Variants in FOXP1 observed in about 807,000 individuals in gnomAD.
FOXP1 encodes the protein forkhead box protein P1.
FOXP1 carries 15 observed loss-of-function variants against 98.2 expected under a neutral mutation model. The ratio of observed to expected loss-of-function variants is 0.15; its 90% CI spans 0.10 to 0.24. The LOEUF is 0.24. FOXP1 is among the 10% of genes least tolerant of loss of function. The pLI, the probability that FOXP1 is intolerant of heterozygous loss-of-function variation, is 1.00. For missense variants in FOXP1, 633 were observed against 848.5 expected, an observed-to-expected ratio of 0.75 and a Z score of 3.15; for synonymous variants, 371 against 314.5, an observed-to-expected ratio of 1.18 and a Z score of -1.90.
chr3:71,187,036 C>A (rs1396831425), intron 6 of FOXP1, among the ~76,000 whole-genome samples: 1 of 152,258 alleles, frequency 6.6e-6, no homozygotes, highest in Non-Finnish European at 1.5e-5. Context: ...CTTTTATTTA[C>A]TAGGTGGCAG....
At chr3:71,482,380 T>TG (rs1253943997) in intron 3 of FOXP1, among the ~76,000 whole-genome samples, 1 of 149,560 alleles carries the variant, frequency 6.7e-6, no homozygotes, top group Non-Finnish European at 1.5e-5. Flanking sequence ...TTTTTTTTTT[T>TG]TTTTTTGAGA....
At chr3:71,426,874 A>G (rs1429415337) in intron 3 of FOXP1, among the ~76,000 whole-genome samples, 2 of 152,118 alleles carry the variant, frequency 1.3e-5, no homozygotes, top group Non-Finnish European at 2.9e-5. Context: ...CAGCCTGACC[A>G]ACATGGTGAA....
intron 2 of FOXP1, among the ~76,000 whole-genome samples, chr3:71,549,756 T>C (rs1003136267): frequency 6.6e-6 from 1 of 151,368 alleles, no homozygotes; most frequent in African/African-American, 2.4e-5. Flanking sequence ...ACTGTCTCAA[T>C]TTCAACTGTA....
At chr3:71,064,525 T>TA (rs1236431848) in intron 7 of FOXP1, among the ~76,000 whole-genome samples, 4 of 149,178 alleles carry the variant, frequency 2.7e-5, no homozygotes, top group Non-Finnish European at 6.0e-5. Context: ...CATGAACATT[T>TA]AAAAAAAGAG....
chr3:71,297,151 G>A (rs1168230380), intron 5 of FOXP1, among the ~76,000 whole-genome samples: 2 of 152,146 alleles, frequency 1.3e-5, no homozygotes, highest in African/African-American at 4.8e-5. Flanking sequence ...TATAGAGACT[G>A]AGCATATAAA....
chr3:71,396,968 G>GACACA (rs1560424451), intron 3 of FOXP1, among the ~76,000 whole-genome samples: 337 of 19,866 alleles, frequency 0.017, 13 homozygotes, highest in Non-Finnish European at 0.03. Flanking sequence ...ATATATGTGT[G>GACACA]TATATATATA....
intron 7 of FOXP1, among the ~76,000 whole-genome samples, chr3:71,103,953 C>T (rs1575705050): frequency 6.6e-6 from 1 of 151,630 alleles, no homozygotes; most frequent in South Asian, 2.1e-4. Context: ...TAAGATGTTC[C>T]CCCCCCAAAA....
At chr3:71,137,696 C>T (rs1310041955) in intron 6 of FOXP1, among the ~76,000 whole-genome samples, 1 of 152,142 alleles carries the variant, frequency 6.6e-6, no homozygotes, top group African/African-American at 2.4e-5. Context: ...TGTTTGTCAA[C>T]AATTCGCCCA....
intron 4 of FOXP1, among the ~76,000 whole-genome samples, chr3:71,303,301 G>C (rs2074003794): frequency 6.6e-6 from 1 of 152,124 alleles, no homozygotes; most frequent in Non-Finnish European, 1.5e-5. Context: ...AGAACCTATT[G>C]TGTACCAGTC....
At chr3:71,384,441 G>A (rs1034027310) in intron 3 of FOXP1, among the ~76,000 whole-genome samples, 4 of 152,128 alleles carry the variant, frequency 2.6e-5, no homozygotes, top group African/African-American at 9.7e-5. Context: ...AATCCACCAC[G>A]AAAACAAAGC....
chr3:71,281,156 G>A (rs1315759394), intron 5 of FOXP1, among the ~76,000 whole-genome samples: 3 of 151,636 alleles, frequency 2.0e-5, no homozygotes, highest in Non-Finnish European at 2.9e-5. Context: ...CTGAGCCCAG[G>A]GAGTTCAAGG....
intron 6 of FOXP1, among the ~76,000 whole-genome samples, chr3:71,193,447 C>T (rs1453409441): frequency 2.0e-5 from 2 of 100,822 alleles, no homozygotes; most frequent in Admixed American, 1.0e-4. Context: ...TGCGCCCAGC[C>T]GTTATTTGTT....
chr3:71,136,819 C>CG (rs1553755066), intron 6 of FOXP1, among the ~76,000 whole-genome samples: 1 of 149,102 alleles, frequency 6.7e-6, no homozygotes, highest in Non-Finnish European at 1.5e-5. Flanking sequence ...AGAAATACAA[C>CG]AAAAAAAAAA....
intron 1 of FOXP1, among the ~76,000 whole-genome samples, chr3:71,582,999 C>T (rs1578282362): frequency 6.6e-6 from 1 of 152,152 alleles, no homozygotes; most frequent in Admixed American, 6.5e-5. Flanking sequence ...AAAGTTTGCT[C>T]CAAGTCTAAA....
At chr3:71,515,092 T>C (rs1054266260) in intron 2 of FOXP1, among the ~76,000 whole-genome samples, 1 of 152,200 alleles carries the variant, frequency 6.6e-6, no homozygotes, top group African/African-American at 2.4e-5. Context: ...TCAAAAAGTT[T>C]AGTTTGTGAA....
chr3:71,465,068 G>A (rs938504077), intron 3 of FOXP1, among the ~76,000 whole-genome samples: 2 of 152,136 alleles, frequency 1.3e-5, no homozygotes, highest in African/African-American at 2.4e-5. Flanking sequence ...AGCACTTTGG[G>A]AGTCCGAGGT....
chr3:71,293,448 T>G (rs1560256002), intron 5 of FOXP1, among the ~76,000 whole-genome samples: 1 of 151,424 alleles, frequency 6.6e-6, no homozygotes, highest in Non-Finnish European at 1.5e-5. Context: ...ACTGTAATCC[T>G]GCCTGGGCAA....
intron 3 of FOXP1, among the ~76,000 whole-genome samples, chr3:71,481,618 T>C (rs1027246598): frequency 6.6e-6 from 1 of 152,230 alleles, no homozygotes; most frequent in African/African-American, 2.4e-5. Flanking sequence ...TGAATGTTTA[T>C]TCCCCAACCC....
At chr3:71,269,407 A>T (rs1194199133) in intron 5 of FOXP1, among the ~76,000 whole-genome samples, 1 of 152,016 alleles carries the variant, frequency 6.6e-6, no homozygotes, top group East Asian at 1.9e-4. Flanking sequence ...TAAAAATAAA[A>T]TTCCACTATA....
Sources: gnomAD v4.1 joint callset for allele counts (sites outside exome capture counted in the v4.1 genomes callset) on GRCh38, gnomAD v4.1.1 for gene constraint, MANE v1.5 for transcripts, NCBI Gene and HGNC (gene_info 2026-07-23, HGNC 2026-07-21) for gene names.